SOBP: variants seen among roughly 807,000 people sequenced by gnomAD.
The protein encoded by SOBP is sine oculis-binding protein homolog.
A neutral mutation model predicts 53.6 loss-of-function variants in SOBP; 4 were observed. The ratio of observed to expected loss-of-function variants is 0.07; its 90% CI spans 0.04 to 0.17. SOBP has a LOEUF of 0.17. Ranked by LOEUF, SOBP falls within the 10% of genes least tolerant of loss-of-function variation. SOBP has a pLI of 1.00. For synonymous variants in SOBP, 584 were observed against 522.6 expected, an observed-to-expected ratio of 1.12 and a Z score of -1.60; for missense variants, 1,088 against 1,204.7, an observed-to-expected ratio of 0.90 and a Z score of 1.43.
At chr6:107,656,317 A>AAGACAGAAAGAC (rs1334447692) in intron 6 of SOBP, among the ~76,000 whole-genome samples, 591 of 39,476 alleles carry the variant, frequency 0.015, 4 homozygotes, top group African/African-American at 0.039. Flanking sequence ...GAAAGAAAGA[A>AAGACAGAAAGAC]AGAAAGAAAG....
chr6:107,615,551 C>T (rs1205711453), intron 5 of SOBP, among the ~76,000 whole-genome samples: 1 of 152,118 alleles, frequency 6.6e-6, no homozygotes, highest in Non-Finnish European at 1.5e-5. Flanking sequence ...GTGGGCAGTC[C>T]CCTTCTGAAT....
intron 5 of SOBP, among the ~76,000 whole-genome samples, chr6:107,603,316 C>T (rs1432724827): frequency 6.6e-6 from 1 of 152,186 alleles, no homozygotes; most frequent in Non-Finnish European, 1.5e-5. Flanking sequence ...GGCAGAGGCA[C>T]CCCGTGTACT....
At chr6:107,556,433 A>T (rs1784612421) in intron 4 of SOBP, among the ~76,000 whole-genome samples, 1 of 152,218 alleles carries the variant, frequency 6.6e-6, no homozygotes, top group Non-Finnish European at 1.5e-5. Context: ...CTGAAATCTC[A>T]TAATGCTCAC....
At chr6:107,584,630 C>G (rs1199162082) in intron 4 of SOBP, among the ~76,000 whole-genome samples, 1 of 152,108 alleles carries the variant, frequency 6.6e-6, no homozygotes, top group Non-Finnish European at 1.5e-5. Flanking sequence ...CATAATGGTT[C>G]AATAAAAAAG....
intron 5 of SOBP, among the ~76,000 whole-genome samples, chr6:107,625,872 T>C (rs1002269054): frequency 7.9e-5 from 12 of 152,246 alleles, no homozygotes; most frequent in Non-Finnish European, 1.6e-4. Context: ...AAATGAGGTG[T>C]GTGACCACAG....
At chr6:107,513,466 A>G (rs916727738) in intron 3 of SOBP, among the ~76,000 whole-genome samples, 1 of 152,148 alleles carries the variant, frequency 6.6e-6, no homozygotes, top group Non-Finnish European at 1.5e-5. Context: ...TAATTCTGAC[A>G]TGGAGTTGTA....
chr6:107,622,248 TG>T (rs1332419976), intron 5 of SOBP, among the ~76,000 whole-genome samples: 1 of 152,088 alleles, frequency 6.6e-6, no homozygotes, highest in Non-Finnish European at 1.5e-5. Context: ...AGTTGCAGAG[TG>T]GGCAGCATGT....
rs764045698 is a variant in SOBP at position 107,634,592 on chromosome 6, C to T, written c.1748C>T (p.Ser583Phe). 8 of 1,601,788 alleles carry T rather than the reference C, an allele frequency of 5.0e-6. No homozygotes were observed. Among genetic ancestry groups the T allele is most frequent in the Non-Finnish European group, 6.8e-6 (8 of 1,179,202 alleles). The change falls in exon 6 of 7, where the codon TCC becomes TTC. Residue 583 changes from serine (S) to phenylalanine (F), a missense_variant. Physicochemically the swap from Ser to Phe is radical, Grantham distance 155. Around this residue, in one of 6 missense-constraint regions of SOBP, gnomAD observed 665 missense variants for 629.7 expected, o/e 1.06. Coordinates refer to ENST00000317357, the MANE Select transcript of SOBP (RefSeq NM_018013.4). The surrounding 1 kb of genome is among the most constrained non-coding windows in gnomAD (Gnocchi z 4.5). Reference protein sequence around the residue: ...AGGKPSGHSLSPRDSKQGSSK... With the variant: ...AGGKPSGHSLFPRDSKQGSSK... The stretch of plus-strand genomic sequence containing the variant: ...GGCAAGCCAAGCGGACACTCCCTGT[C>T]CCCCCGGGACTCCAAGCAGGGCTCG...
chr6:107,584,793 G>A (rs573245557), intron 4 of SOBP, among the ~76,000 whole-genome samples: 12 of 107,418 alleles, frequency 1.1e-4, no homozygotes, highest in Non-Finnish European at 1.5e-4. Flanking sequence ...TAGATAATGG[G>A]ATTTTTTTTT....
At chr6:107,521,271 G>T (rs189783390) in intron 3 of SOBP, among the ~76,000 whole-genome samples, 1 of 150,988 alleles carries the variant, frequency 6.6e-6, no homozygotes, top group East Asian at 1.9e-4. Flanking sequence ...TATGCCTTAT[G>T]CCTATAACTT....
At chr6:107,520,430 A>G (rs986379624) in intron 3 of SOBP, among the ~76,000 whole-genome samples, 3 of 152,226 alleles carry the variant, frequency 2.0e-5, no homozygotes, top group Non-Finnish European at 4.4e-5. Flanking sequence ...CCTTAATGGC[A>G]GAACCAGGAC....
At chr6:107,651,953 G>A (rs1220614988) in intron 6 of SOBP, among the ~76,000 whole-genome samples, 1 of 152,162 alleles carries the variant, frequency 6.6e-6, no homozygotes, top group East Asian at 1.9e-4. Flanking sequence ...GAGACCCACT[G>A]CTCAGGAAAA....
At chr6:107,532,792 C>G (rs771419144) in intron 3 of SOBP, among the ~76,000 whole-genome samples, 1 of 152,158 alleles carries the variant, frequency 6.6e-6, no homozygotes, top group Non-Finnish European at 1.5e-5. Context: ...TTCAATCAGG[C>G]CTGCATCTCC....
intron 3 of SOBP, among the ~76,000 whole-genome samples, chr6:107,512,691 C>G (rs1379937066): frequency 6.6e-6 from 1 of 152,144 alleles, no homozygotes; most frequent in Admixed American, 6.5e-5. Context: ...TTTTTCCCCT[C>G]TAGTTTTGGG....
chr6:107,519,611 A>G (rs1033810117), intron 3 of SOBP, among the ~76,000 whole-genome samples: 3 of 152,208 alleles, frequency 2.0e-5, no homozygotes, highest in Non-Finnish European at 4.4e-5. Context: ...TCACTGAAAC[A>G]TTTGCAAACC....
chr6:107,559,031 T>A (rs773176372), intron 4 of SOBP, among the ~76,000 whole-genome samples: 5 of 152,212 alleles, frequency 3.3e-5, no homozygotes, highest in Admixed American at 2.0e-4. Flanking sequence ...ACATCTCCAG[T>A]GTTTGAAACT....
intron 6 of SOBP, among the ~76,000 whole-genome samples, chr6:107,652,709 A>G (rs766073615): frequency 1.3e-4 from 20 of 152,168 alleles, no homozygotes; most frequent in Non-Finnish European, 2.2e-4. Flanking sequence ...GGCAAACTTT[A>G]TTGTTGTCTT....
intron 5 of SOBP, among the ~76,000 whole-genome samples, chr6:107,619,108 G>A (rs966851262): frequency 6.6e-5 from 10 of 152,156 alleles, no homozygotes; most frequent in Non-Finnish European, 1.5e-4. Flanking sequence ...ACCTTCTCCT[G>A]CAGTTCAGTT....
In SOBP at chr6:107,635,873, C is replaced by G. The variant is rs1771019301; in HGVS notation, c.*3+404C>G. Among the ~76,000 whole-genome samples, 1 of 152,202 alleles carries G rather than the reference C, an allele frequency of 6.6e-6. No individual in the cohort carries two copies. Among genetic ancestry groups the G allele is most frequent in the Admixed American group, 6.5e-5 (1 of 15,280 alleles). On this transcript the variant is annotated intron_variant, in intron 6 of 6. Transcript: ENST00000317357. This position sits in a 1 kb window ranked among gnomAD's most constrained non-coding sequence, Gnocchi z 4.5. Reference sequence around the variant, plus strand: ...AACTTGGGACACCTAAATGTGTGATCATGAGGTTGCAGGGCAGTGGTGAAA... The same window carrying G: ...AACTTGGGACACCTAAATGTGTGATGATGAGGTTGCAGGGCAGTGGTGAAA...
Sources: gnomAD v4.1 joint callset for allele counts (sites outside exome capture counted in the v4.1 genomes callset) on GRCh38, gnomAD v4.1.1 for gene constraint, gnomAD v4.1.1 regional missense constraint, Gnocchi (gnomAD v3.1) non-coding constraint, MANE v1.5 for transcripts, NCBI Gene and HGNC (gene_info 2026-07-23, HGNC 2026-07-21) for gene names.